Variants in NRG3 observed in about 807,000 individuals in gnomAD.
The protein encoded by NRG3 is neuregulin 3.
A neutral mutation model predicts 66.9 loss-of-function variants in NRG3; 31 were observed. The ratio of observed to expected loss-of-function variants is 0.46; its 90% CI spans 0.35 to 0.63. The LOEUF is 0.63. Among genes scored for constraint, NRG3 ranks in the 20% least tolerant of loss-of-function variants. NRG3 has a pLI of 0.00. For synonymous variants in NRG3, 393 were observed against 359.4 expected (o/e 1.09, Z -1.06); for missense variants, 910 against 878.9 (o/e 1.04, Z -0.45).
At chr10:82,341,779 G>C (rs373310971) in intron 1 of NRG3, among the ~76,000 whole-genome samples, 407 of 152,018 alleles carry the variant, frequency 2.7e-3, no homozygotes, top group African/African-American at 9.0e-3. Context: ...GTAGTCTCCA[G>C]TGTATATTAT....
chr10:82,788,842 T>A (rs2060473082), intron 3 of NRG3, among the ~76,000 whole-genome samples: 1 of 152,138 alleles, frequency 6.6e-6, no homozygotes, highest in African/African-American at 2.4e-5. Context: ...TCACTTAGGG[T>A]AACGTATTAA....
intron 1 of NRG3, among the ~76,000 whole-genome samples, chr10:82,037,266 T>C (rs2062829607): frequency 6.6e-6 from 1 of 152,132 alleles, no homozygotes; most frequent in African/African-American, 2.4e-5. Context: ...GCACTAGGGC[T>C]GGCCAAACAG....
chr10:82,582,588 G>A (rs1240662676), intron 2 of NRG3, among the ~76,000 whole-genome samples: 1 of 151,732 alleles, frequency 6.6e-6, no homozygotes, highest in East Asian at 1.9e-4. Context: ...GTTTTTAAAG[G>A]TAATTACAAC....
At chr10:82,326,281 C>G (rs990114586) in intron 1 of NRG3, among the ~76,000 whole-genome samples, 1 of 152,062 alleles carries the variant, frequency 6.6e-6, no homozygotes, top group Admixed American at 6.5e-5. Flanking sequence ...CCTTTGTTTT[C>G]TGTATAATGC....
intron 1 of NRG3, among the ~76,000 whole-genome samples, chr10:82,346,873 G>C (rs1362064316): frequency 2.4e-4 from 36 of 151,682 alleles, no homozygotes; most frequent in Admixed American, 1.4e-3. Context: ...GTAGTATTCT[G>C]TGATGGTAGT....
At chr10:82,696,659 C>T (rs1351063594) in intron 2 of NRG3, among the ~76,000 whole-genome samples, 1 of 152,090 alleles carries the variant, frequency 6.6e-6, no homozygotes, top group Non-Finnish European at 1.5e-5. Flanking sequence ...AGGCCAAGCA[C>T]ATGCCCCCTT....
chr10:81,962,957 A>G (rs1317489620), intron 1 of NRG3, among the ~76,000 whole-genome samples: 1 of 152,022 alleles, frequency 6.6e-6, no homozygotes, highest in Non-Finnish European at 1.5e-5. Context: ...TATAACCGAC[A>G]CAACTCGCCC....
chr10:82,933,591 C>T (rs1847790222), intron 4 of NRG3, among the ~76,000 whole-genome samples: 1 of 152,056 alleles, frequency 6.6e-6, no homozygotes, highest in African/African-American at 2.4e-5. Flanking sequence ...TCTTTATAGC[C>T]AAAGTATAAT....
At chr10:82,241,521 G>A (rs1243867855) in intron 1 of NRG3, among the ~76,000 whole-genome samples, 1 of 152,074 alleles carries the variant, frequency 6.6e-6, no homozygotes, top group Non-Finnish European at 1.5e-5. Flanking sequence ...TCATAAGGAA[G>A]ACACCTTGTT....
intron 2 of NRG3, among the ~76,000 whole-genome samples, chr10:82,378,746 T>A (rs984670259): frequency 6.6e-6 from 1 of 151,978 alleles, no homozygotes; most frequent in Non-Finnish European, 1.5e-5. Flanking sequence ...AATTTTTGTA[T>A]TTTTTATAGA....
In NRG3 at chr10:82,917,970, G is replaced by GTGTATA. The variant is rs1554841532; in HGVS notation, c.1055-33498_1055-33497insGTATAT. On this transcript the variant is annotated intron_variant, in intron 4 of 8. Transcript: ENST00000372141. ...TGGGATTGTGTGTGTGTGTGTGTGT[G>GTGTATA]TATATATATATATATATATATATGT... Among the ~76,000 whole-genome samples the GTGTATA allele has an allele frequency of 7.9e-5, 9 of 114,010 alleles. No individual in the cohort carries two copies. The South Asian group carries it at 9.5e-4, about 12-fold the overall frequency. 74.8% of individuals were successfully genotyped at this position (114,010 alleles called of 152,430 possible).
chr10:82,216,756 A>T (rs564547628), intron 1 of NRG3, among the ~76,000 whole-genome samples: 1 of 152,194 alleles, frequency 6.6e-6, no homozygotes, highest in Non-Finnish European at 1.5e-5. Flanking sequence ...TCTCTGGTGA[A>T]TCTTTCTAAA....
chr10:82,203,968 A>G (rs762763673), intron 1 of NRG3, among the ~76,000 whole-genome samples: 30 of 152,172 alleles, frequency 2.0e-4, no homozygotes, highest in Non-Finnish European at 4.0e-4. Context: ...TTAACTGACC[A>G]TCAGATTTAA....
intron 2 of NRG3, among the ~76,000 whole-genome samples, chr10:82,618,139 T>G (rs952508158): frequency 6.6e-6 from 1 of 152,172 alleles, no homozygotes; most frequent in African/African-American, 2.4e-5. Flanking sequence ...TGACTGCAAT[T>G]GAGTTTTATT....
intron 1 of NRG3, among the ~76,000 whole-genome samples, chr10:81,891,675 A>T (rs188446703): frequency 2.0e-5 from 3 of 152,228 alleles, no homozygotes; most frequent in East Asian, 1.9e-4. Flanking sequence ...GATAATTGGG[A>T]TAGTGGTTTT....
chr10:82,929,977 G>T (rs1169178349), intron 4 of NRG3, among the ~76,000 whole-genome samples: 3 of 152,158 alleles, frequency 2.0e-5, no homozygotes, highest in Non-Finnish European at 2.9e-5. Flanking sequence ...CCCCCTGCTG[G>T]GTTGCCTAAA....
chr10:82,274,017 C>T lies in NRG3; in HGVS notation c.824-84722C>T, dbSNP rs140904385. ...AGGGAAGCTTTAAAATTATTGCAAA[C>T]GTTCTTGCAACGGATCCAGTTGCGC... On this transcript the variant is annotated intron_variant, in intron 1 of 8. Coordinates refer to ENST00000372141, the MANE Select transcript of NRG3 (RefSeq NM_001010848.4). 3.1e-3 allele frequency among the ~76,000 whole-genome samples: 475 copies of T among 150,818 alleles called. 5 individuals are homozygous for T. Among genetic ancestry groups the T allele is most frequent in the African/African-American group, 0.011 (449 of 41,420 alleles).
chr10:82,677,391 GT>G (rs1422515448), intron 2 of NRG3, among the ~76,000 whole-genome samples: 2 of 152,018 alleles, frequency 1.3e-5, no homozygotes, highest in Non-Finnish European at 2.9e-5. Flanking sequence ...GTTTTGGGGA[GT>G]TTTTTGTTTG....
chr10:81,913,943 T>A (rs1331860606), intron 1 of NRG3, among the ~76,000 whole-genome samples: 1 of 152,240 alleles, frequency 6.6e-6, no homozygotes, highest in African/African-American at 2.4e-5. Context: ...AATTGTATGA[T>A]TCCATTAAAA....
Sources: allele counts gnomAD v4.1 joint callset (sites outside exome capture counted in the v4.1 genomes callset), GRCh38; gene constraint gnomAD v4.1.1; transcripts MANE v1.5; gene names NCBI Gene and HGNC (gene_info 2026-07-23, HGNC 2026-07-21).